MTNAP1: variants seen among roughly 807,000 people sequenced by gnomAD.
MTNAP1 encodes the protein mitochondrial nucleoid associated protein 1.
At chr17:73,242,978 T>G in the MTNAP1 span, 1 of 1,613,816 alleles carries the variant, frequency 6.2e-7, no homozygotes, top group African/African-American at 1.3e-5. Flanking sequence ...TCGTCCTGTG[T>G]TGTAGCTGGA....
chr17:73,245,208 C>G, the MTNAP1 span: 1 of 1,613,424 alleles, frequency 6.2e-7, no homozygotes, highest in Non-Finnish European at 8.5e-7. Context: ...CTGGACATCA[C>G]TTAAAGCTCT....
chr17:73,235,076 G>A, the MTNAP1 span, among the ~76,000 whole-genome samples: 1 of 151,878 alleles, frequency 6.6e-6, no homozygotes, highest in South Asian at 2.1e-4. Context: ...CAAAAAATTA[G>A]TCAGGCGTGG....
At chr17:73,236,002 C>A in the MTNAP1 span, 1 of 1,614,160 alleles carries the variant, frequency 6.2e-7, no homozygotes, top group Non-Finnish European at 8.5e-7. Flanking sequence ...AGCGTCTTTA[C>A]TGGTTGGCTC....
the MTNAP1 span, chr17:73,243,139 C>T: frequency 5.5e-5 from 40 of 726,370 alleles, no homozygotes; most frequent in Non-Finnish European, 5.4e-5. Context: ...GGTGAATGAG[C>T]TATTGCCTGG....
the MTNAP1 span, chr17:73,248,860 AAAAT>A: frequency 3.5e-6 from 1 of 288,244 alleles, no homozygotes; most frequent in African/African-American, 2.2e-5. Flanking sequence ...TGTTAAAAAT[AAAAT>A]CATTTTATTA....
the MTNAP1 span, among the ~76,000 whole-genome samples, chr17:73,243,374 G>A: frequency 2.6e-5 from 4 of 151,998 alleles, no homozygotes; most frequent in Admixed American, 1.3e-4. Context: ...GGCTGGTCTC[G>A]AACTGCCGAC....
the MTNAP1 span, among the ~76,000 whole-genome samples, chr17:73,234,552 G>A: frequency 3.3e-5 from 5 of 151,946 alleles, no homozygotes; most frequent in South Asian, 2.1e-4. Flanking sequence ...TTAGCCTGGC[G>A]TGGTGGCGCA....
chr17:73,240,663 G>C, the MTNAP1 span, among the ~76,000 whole-genome samples: 1 of 152,214 alleles, frequency 6.6e-6, no homozygotes, highest in African/African-American at 2.4e-5. Context: ...TTCTCAGGAA[G>C]CCAACTCATT....
At chr17:73,235,912 G>C in the MTNAP1 span, 4 of 1,614,040 alleles carry the variant, frequency 2.5e-6, no homozygotes, top group East Asian at 8.9e-5. Context: ...TTACGCATCA[G>C]AGAAAACCTC....
the MTNAP1 span, among the ~76,000 whole-genome samples, chr17:73,234,541 A>G: frequency 0.52 from 78,175 of 151,696 alleles, 20,230 homozygotes; most frequent in East Asian, 0.62. Flanking sequence ...AAATACAAAA[A>G]TTAGCCTGGC....
At chr17:73,235,603 G>C in the MTNAP1 span, 15 of 1,614,130 alleles carry the variant, frequency 9.3e-6, 1 homozygote, top group East Asian at 2.2e-5. Flanking sequence ...TGATCAAAAA[G>C]TTTATCAGTC....
chr17:73,238,011 T>TG, the MTNAP1 span, among the ~76,000 whole-genome samples: 1 of 152,084 alleles, frequency 6.6e-6, no homozygotes, highest in African/African-American at 2.4e-5. Context: ...GAGAAGGGCT[T>TG]GGGGCGAAAG....
the MTNAP1 span, chr17:73,236,056 A>C: frequency 6.2e-7 from 1 of 1,614,042 alleles, no homozygotes; most frequent in South Asian, 1.1e-5. Flanking sequence ...ATATTCCTCA[A>C]CTCTACCTAA....
At chr17:73,233,624 G>C in the MTNAP1 span, among the ~76,000 whole-genome samples, 3 of 152,378 alleles carry the variant, frequency 2.0e-5, no homozygotes, top group Admixed American at 1.3e-4. Context: ...AGCACTTTGG[G>C]AGGCCGAGGC....
chr17:73,242,041 C>G, the MTNAP1 span, among the ~76,000 whole-genome samples: 1,001 of 152,258 alleles, frequency 6.6e-3, 17 homozygotes, highest in African/African-American at 0.023. Flanking sequence ...TTCAGGGGTC[C>G]CTTGGCCTTT....
At chr17:73,244,305 G>A in the MTNAP1 span, among the ~76,000 whole-genome samples, 2 of 152,132 alleles carry the variant, frequency 1.3e-5, no homozygotes, top group Non-Finnish European at 2.9e-5. Flanking sequence ...GCTCACGCCT[G>A]TAATCCCAGC....
the MTNAP1 span, chr17:73,243,329 T>C: frequency 2.8e-6 from 1 of 355,374 alleles, no homozygotes; most frequent in African/African-American, 2.1e-5. Context: ...TAATTTTGTA[T>C]TTTTAGTAGA....
the MTNAP1 span, chr17:73,247,693 TTAA>T: frequency 5.4e-6 from 1 of 184,272 alleles, no homozygotes; most frequent in African/African-American, 2.4e-5. Context: ...AGATCCTGTA[TTAA>T]TAAGAAGACA....
the MTNAP1 span, chr17:73,243,001 T>A: frequency 4.3e-6 from 7 of 1,611,178 alleles, no homozygotes; most frequent in Non-Finnish European, 5.1e-6. Context: ...TTCAGACGTC[T>A]GAGTAAGTCT....
Sources: allele counts gnomAD v4.1 joint callset (sites outside exome capture counted in the v4.1 genomes callset), GRCh38; gene constraint gnomAD v4.1.1; transcripts MANE v1.5; gene names NCBI Gene and HGNC (gene_info 2026-07-23, HGNC 2026-07-21).